The following NIFK variants were observed in gnomAD, a reference collection of about 807,000 sequenced individuals.
The protein encoded by NIFK is nucleolar protein interacting with the FHA domain of MKI67, also known as MKI67 FHA domain-interacting nucleolar phosphoprotein.
Under a neutral mutation model 31.7 loss-of-function variants are expected in NIFK, and 16 were observed. The observed-to-expected ratio is 0.50, with a 90% CI of 0.34 to 0.77. The LOEUF (loss-of-function observed/expected upper bound fraction) is 0.77. NIFK is among the 30% of genes least tolerant of loss of function. The pLI is 0.01. For missense variants in NIFK, 341 were observed against 350.4 expected, an observed-to-expected ratio of 0.97 and a Z score of 0.21; for synonymous variants, 126 against 123.0, an observed-to-expected ratio of 1.02 and a Z score of -0.16.
At position 121,728,306 on chromosome 2, in the gene NIFK, C is replaced by G; in HGVS notation, c.675G>C (p.Glu225Asp). ...ATTTTACCTGGCTATCCACAGTCTT[C>G]TCAGGAGTGTCAAGAGTACCTGAAA... ...KKVSGTLDTP[E>D]KTVDSQGPTP... Residue 225 changes from glutamate (E) to aspartate (D), a missense_variant, in exon 6 of 7, where the codon GAG becomes GAC. By Grantham distance (45) the Glu-to-Asp change is conservative. Transcript: ENST00000285814. 10 of 1,606,282 alleles carry G rather than the reference C, an allele frequency of 6.2e-6. No individual in the cohort carries two copies. The highest frequency in any genetic ancestry group is 7.7e-6 in the Non-Finnish European group (9 of 1,175,568).
At chr2:121,728,088 G>T in intron 6 of NIFK, 176 bp from the exon 7 acceptor site, 1 of 721,596 alleles carries the variant, frequency 1.4e-6, no homozygotes, top group Non-Finnish European at 2.2e-6. Context: ...ATCAAACTTG[G>T]TACAGAAATT....
intron 2 of NIFK, among the ~76,000 whole-genome samples, chr2:121,734,257 C>A (rs948939632): frequency 1.1e-4 from 17 of 151,788 alleles, no homozygotes; most frequent in African/African-American, 3.4e-4. Context: ...GATCGCCCCC[C>A]AAAACAAAAC....
intron 2 of NIFK, among the ~76,000 whole-genome samples, chr2:121,734,679 G>C (rs1295683234): frequency 6.6e-6 from 1 of 152,102 alleles, no homozygotes; most frequent in Non-Finnish European, 1.5e-5. Flanking sequence ...TGTAATCCCA[G>C]CTACTTGGGA....
chr2:121,734,902 G>A (rs577053124), intron 2 of NIFK, among the ~76,000 whole-genome samples: 12 of 152,260 alleles, frequency 7.9e-5, no homozygotes, highest in Admixed American at 3.9e-4. Flanking sequence ...CTATCTTTAC[G>A]ACAACTAACA....
At chr2:121,732,894 A>G (rs2074553459) in intron 2 of NIFK, among the ~76,000 whole-genome samples, 1 of 152,158 alleles carries the variant, frequency 6.6e-6, no homozygotes, top group South Asian at 2.1e-4. Context: ...CAGCCTGGCC[A>G]ACATGGTGAA....
chr2:121,733,513 T>TAA (rs746296814), intron 2 of NIFK, among the ~76,000 whole-genome samples: 1 of 138,770 alleles, frequency 7.2e-6, no homozygotes. Context: ...AGACTCCATT[T>TAA]AAAAAAAAAA....
intron 2 of NIFK, among the ~76,000 whole-genome samples, chr2:121,735,130 G>A (rs2074570148): frequency 6.6e-6 from 1 of 152,140 alleles, no homozygotes; most frequent in Admixed American, 6.6e-5. Flanking sequence ...ATCCTCTAAA[G>A]ACTTTATATT....
chr2:121,736,084 T>G (rs1359726978), intron 1 of NIFK, among the ~76,000 whole-genome samples: 1 of 152,222 alleles, frequency 6.6e-6, no homozygotes, highest in East Asian at 1.9e-4. Context: ...GGTATGCATA[T>G]TACTGTTTAC....
chr2:121,727,221 A>T lies in NIFK; in HGVS notation c.*503T>A, dbSNP rs1233466892. The T allele has an allele frequency of 6.5e-6, 2 of 307,792 alleles. No homozygotes were observed. Among genetic ancestry groups the T allele is most frequent in the African/African-American group, 4.4e-5 (2 of 45,912 alleles). The allele number at this position is 307,792 out of a possible 1,614,324, so 19.1% of individuals were successfully genotyped here. A position where few individuals can be genotyped will look rare whatever the true frequency, so the allele number is the denominator to read the frequency against. On this transcript the variant is annotated 3_prime_UTR_variant, in exon 7 of 7. Coordinates refer to ENST00000285814, the MANE Select transcript of NIFK (RefSeq NM_032390.5). ...AATCTCTATTAAAATCTGAACACAT[A>T]AACAAATCTGTGCTAAAACTGGAAC...
At chr2:121,734,602 C>A (rs930570513) in intron 2 of NIFK, among the ~76,000 whole-genome samples, 4 of 152,006 alleles carry the variant, frequency 2.6e-5, no homozygotes, top group African/African-American at 9.7e-5. Flanking sequence ...ACCAGCCTGG[C>A]CAACATAGTG....
intron 3 of NIFK, 81 bp from the exon 4 acceptor site, chr2:121,731,185 AATG>A (rs2106442397): frequency 1.3e-6 from 1 of 743,844 alleles, no homozygotes; most frequent in African/African-American, 1.8e-5. Flanking sequence ...CACACAACAA[AATG>A]ATATGGCTGG....
Position 121,731,027 on chromosome 2 carries a change from G to T in NIFK, c.430C>A (p.Pro144Thr). The change falls in exon 4 of 7, where the codon CCA becomes ACA. Residue 144 changes from proline (P) to threonine (T), a missense_variant. Pro to Thr is a conservative substitution (Grantham distance 38). Coordinates refer to ENST00000285814, the MANE Select transcript of NIFK (RefSeq NM_032390.5). ...TTCCGATTATACCGTTTCACTGATG[G>T]ATATGATGGCTGCTTAAATGGAATA... is the stretch of plus-strand genomic sequence containing the variant. ...WNIPFKQPSY[P>T]SVKRYNRNRT... The T allele has an allele frequency of 6.2e-7, 1 of 1,612,628 alleles. No individual in the cohort carries two copies. Among genetic ancestry groups the T allele is most frequent in the Non-Finnish European group, 8.5e-7 (1 of 1,178,792 alleles).
At chr2:121,735,481 C>A in intron 2 of NIFK, 132 bp downstream of exon 2, 1 of 983,324 alleles carries the variant, frequency 1.0e-6, no homozygotes, top group South Asian at 1.5e-5. Flanking sequence ...GTTTCAGATT[C>A]TAAACCTCCT....
In NIFK at chr2:121,732,089, C is replaced by T; in HGVS notation, c.352+7G>A. The T allele has an allele frequency of 6.4e-7, 1 of 1,551,832 alleles. No individual in the cohort carries two copies. Among genetic ancestry groups the T allele is most frequent in the Admixed American group, 1.7e-5 (1 of 59,894 alleles). On this transcript the variant is annotated splice_region_variant and intron_variant, in intron 3 of 6. Coordinates refer to ENST00000285814, the MANE Select transcript of NIFK (RefSeq NM_032390.5). The stretch of plus-strand genomic sequence containing the variant: ...AGGCAACCCTGCGGTAAGACAGGAG[C>T]ACTTACACTCCAAGAGTCTTTCACC...
At chr2:121,733,278 G>A (rs2074556682) in intron 2 of NIFK, among the ~76,000 whole-genome samples, 1 of 152,100 alleles carries the variant, frequency 6.6e-6, no homozygotes, top group African/African-American at 2.4e-5. Context: ...ACTTTGGGAG[G>A]CCGAGGCAGG....
chr2:121,728,355 A>C lies in NIFK; in HGVS notation c.626T>G (p.Val209Gly). The C allele has an allele frequency of 6.3e-7, 1 of 1,593,386 alleles. No homozygotes were observed. Among genetic ancestry groups the C allele is most frequent in the Non-Finnish European group, 8.6e-7 (1 of 1,163,130 alleles). The change falls in exon 6 of 7, where the codon GTT becomes GGT. Residue 209 changes from valine (V) to glycine (G), a missense_variant and splice_region_variant. Transcript: ENST00000285814. ...AACTTTTTTCTTCTTCTTACGTAAA[A>C]CCTTAAAATAAATTTTAAAACACAT... ...TNRQTSTKGQ[V>G]LRKKKKKVSG...
chr2:121,734,396 A>G (rs528223310), intron 2 of NIFK, among the ~76,000 whole-genome samples: 56 of 152,344 alleles, frequency 3.7e-4, no homozygotes, highest in African/African-American at 1.2e-3. Flanking sequence ...GAAGAATGAT[A>G]GAGTAATATA....
At chr2:121,730,753 G>C in intron 4 of NIFK, 140 bp downstream of exon 4, 1 of 647,410 alleles carries the variant, frequency 1.5e-6, no homozygotes, top group South Asian at 1.8e-5. Flanking sequence ...CTAGAGGCAG[G>C]AGAATTGCTT....
In NIFK at chr2:121,733,844, T is replaced by G. The variant is rs75438388; in HGVS notation, c.244-1640A>C. 3.6e-3 allele frequency among the ~76,000 whole-genome samples: 541 copies of G among 152,334 alleles called. 5 individuals carry two copies. The highest frequency in any genetic ancestry group is 0.013 in the African/African-American group (524 of 41,576). On this transcript the variant is annotated intron_variant, in intron 2 of 6. Coordinates refer to ENST00000285814, the MANE Select transcript of NIFK (RefSeq NM_032390.5). ...CTGGTTTGTGCTGTAAAACTTTTTT[T>G]AAAACCCTCATCTTCTTTGTGATGG... is the stretch of plus-strand genomic sequence containing the variant.
Sources: allele counts gnomAD v4.1 joint callset (sites outside exome capture counted in the v4.1 genomes callset), GRCh38; gene constraint gnomAD v4.1.1; transcripts MANE v1.5; gene names NCBI Gene and HGNC (gene_info 2026-07-23, HGNC 2026-07-21).